The following OXSR1 variants were observed in gnomAD, a reference collection of about 807,000 sequenced individuals.
The protein encoded by OXSR1 is serine/threonine-protein kinase OSR1.
Under a neutral mutation model 79.8 loss-of-function variants are expected in OXSR1, and 24 were observed. The observed-to-expected ratio is 0.30, with a 90% CI of 0.22 to 0.42. The LOEUF (loss-of-function observed/expected upper bound fraction) is 0.42, where lower values mean the gene tolerates loss of function less well. Among genes scored for constraint, OXSR1 ranks in the 10% least tolerant of loss-of-function variants. OXSR1 has a pLI of 1.00. For synonymous variants in OXSR1, 226 were observed against 209.2 expected (o/e 1.08, Z -0.69); for missense variants, 430 against 618.4 (o/e 0.70, Z 3.23).
chr3:38,172,103 T>TA (rs1433010326), intron 1 of OXSR1, among the ~76,000 whole-genome samples: 2 of 152,230 alleles, frequency 1.3e-5, no homozygotes, highest in African/African-American at 4.8e-5. Context: ...GACTTTTTTT[T>TA]ACCCTTCCCC....
chr3:38,240,553 C>T (rs1380442078), intron 11 of OXSR1, among the ~76,000 whole-genome samples: 1 of 152,066 alleles, frequency 6.6e-6, no homozygotes, highest in Non-Finnish European at 1.5e-5. Flanking sequence ...AATGACATGC[C>T]TTGTATCCAG....
Position 38,254,181 on chromosome 3 carries a change from A to G in OXSR1, c.*1290A>G. ...TCTGGCCTTAAAAAGATACACAAAGATGGGCTGTGGGTCCCTGGAAAGGGG... is the reference window on the plus strand; with the variant it reads ...TCTGGCCTTAAAAAGATACACAAAGGTGGGCTGTGGGTCCCTGGAAAGGGG... On this transcript the variant is annotated 3_prime_UTR_variant, in exon 18 of 18. Coordinates refer to ENST00000311806, the MANE Select transcript of OXSR1 (RefSeq NM_005109.3). 2.5e-6 allele frequency: 1 copy of G among 398,860 alleles called. No individual in the cohort carries two copies. The highest frequency in any genetic ancestry group is 4.4e-6 in the Non-Finnish European group (1 of 225,908). The allele number at this position is 398,860 out of a possible 1,614,324, so 24.7% of individuals were successfully genotyped here.
At chr3:38,201,524 C>T (rs1156734809) in intron 4 of OXSR1, among the ~76,000 whole-genome samples, 1 of 152,058 alleles carries the variant, frequency 6.6e-6, no homozygotes, top group Non-Finnish European at 1.5e-5. Flanking sequence ...TCCTGGCTAA[C>T]ACGGTGAAAC....
Position 38,252,374 on chromosome 3 carries a change from A to G in OXSR1, c.1491A>G (p.Arg497=), listed in dbSNP as rs1390362984. 8 of 1,611,482 alleles carry G rather than the reference A, an allele frequency of 5.0e-6. No homozygotes were observed. Among genetic ancestry groups the G allele is most frequent in the Non-Finnish European group, 6.8e-6 (8 of 1,177,800 alleles). ...QKIVEEPQSN[R]SVTFKLASGV... ...TTGTGGAAGAACCTCAGTCAAATCG[A>G]TCTGTCACTTTCAAACTGGTACTCA... is the stretch of plus-strand genomic sequence containing the variant. The change falls in exon 17 of 18, where the codon CGA becomes CGG. Residue 497 remains arginine (R), a synonymous_variant. Coordinates refer to ENST00000311806, the MANE Select transcript of OXSR1 (RefSeq NM_005109.3).
At chr3:38,230,190 G>GA (rs1476638338) in intron 9 of OXSR1, among the ~76,000 whole-genome samples, 175 bp from the exon 10 acceptor site, 1 of 152,122 alleles carries the variant, frequency 6.6e-6, no homozygotes, top group African/African-American at 2.4e-5. Flanking sequence ...CTCAATTTAT[G>GA]AAACTGTGGT....
At chr3:38,184,915 T>C (rs999943431) in intron 2 of OXSR1, among the ~76,000 whole-genome samples, 1 of 63,786 alleles carries the variant, frequency 1.6e-5, no homozygotes, top group Admixed American at 1.9e-4. Context: ...TTTTTTTTTT[T>C]TTTTTTTTTT....
chr3:38,229,562 A>G (rs1340825954), intron 8 of OXSR1, 125 bp from the exon 9 acceptor site: 2 of 664,798 alleles, frequency 3.0e-6, no homozygotes, highest in East Asian at 2.7e-5. Flanking sequence ...AGTTTAAGGA[A>G]AGTAGAGTAT....
At chr3:38,247,633 C>G (rs1356430174) in intron 13 of OXSR1, 35 bp from the exon 14 acceptor site, 27 of 1,502,782 alleles carry the variant, frequency 1.8e-5, no homozygotes, top group Non-Finnish European at 2.4e-5. Context: ...CTTAATGTTT[C>G]AGGCAATGAC....
intron 4 of OXSR1, among the ~76,000 whole-genome samples, chr3:38,209,585 C>G (rs1702342839): frequency 6.6e-6 from 1 of 151,566 alleles, no homozygotes; most frequent in Admixed American, 6.6e-5. Context: ...TTCAATTGAG[C>G]ATTTCATATG....
Position 38,249,972 on chromosome 3 carries a change from CA to C in OXSR1, c.1335del (p.Glu446AsnfsTer2). On this transcript the variant is annotated frameshift_variant, in exon 15 of 18. Transcript: ENST00000311806. LOFTEE classifies it high-confidence loss of function. ...ISLVLRLRNS[K>X]KELNDIRFEF... Reference sequence around the variant, plus strand: ...ATTCTGCTTTCTTTCATAGGAATTCCAAAAAAGAACTAAATGATATTCGATT... The same window carrying C: ...ATTCTGCTTTCTTTCATAGGAATTCCAAAAAGAACTAAATGATATTCGATT... 4 of 1,578,508 alleles carry C rather than the reference CA, an allele frequency of 2.5e-6. No homozygotes were observed. The highest frequency in any genetic ancestry group is 1.7e-5 in the Admixed American group (1 of 58,268).
chr3:38,205,065 G>C (rs1702240880), intron 4 of OXSR1, among the ~76,000 whole-genome samples: 1 of 152,180 alleles, frequency 6.6e-6, no homozygotes, highest in African/African-American at 2.4e-5. Context: ...GCTGCGTTCT[G>C]CCTGGTGTTG....
At chr3:38,214,380 C>T (rs1337374052) in intron 4 of OXSR1, among the ~76,000 whole-genome samples, 1 of 152,054 alleles carries the variant, frequency 6.6e-6, no homozygotes, top group East Asian at 1.9e-4. Flanking sequence ...AGATCTAGCT[C>T]ATGGTGAAAT....
chr3:38,231,066 C>A (rs1365408511), intron 10 of OXSR1, among the ~76,000 whole-genome samples: 1 of 152,178 alleles, frequency 6.6e-6, no homozygotes, highest in Non-Finnish European at 1.5e-5. Context: ...AAAGGTCTTA[C>A]ACCTTGTATA....
At chr3:38,209,353 GCC>G (rs1161924404) in intron 4 of OXSR1, among the ~76,000 whole-genome samples, 1 of 151,596 alleles carries the variant, frequency 6.6e-6, no homozygotes, top group Non-Finnish European at 1.5e-5. Context: ...CAAATAGCTG[GCC>G]CACAGGTGCT....
intron 11 of OXSR1, among the ~76,000 whole-genome samples, chr3:38,238,121 A>G (rs1273496274): frequency 6.6e-6 from 1 of 152,132 alleles, no homozygotes; most frequent in Non-Finnish European, 1.5e-5. Flanking sequence ...CTTATAACCT[A>G]ATACATTGGT....
At chr3:38,175,641 A>C (rs1252796885) in intron 1 of OXSR1, among the ~76,000 whole-genome samples, 1 of 152,200 alleles carries the variant, frequency 6.6e-6, no homozygotes, top group Non-Finnish European at 1.5e-5. Flanking sequence ...AGTAAAGCGG[A>C]GAGAAACTGA....
At chr3:38,167,097 G>T (rs1427951953) in intron 1 of OXSR1, among the ~76,000 whole-genome samples, 1 of 152,200 alleles carries the variant, frequency 6.6e-6, no homozygotes, top group Non-Finnish European at 1.5e-5. Context: ...GGAGGAGCCA[G>T]ATCTTAGGGA....
rs1377273028 is a variant in OXSR1, at chr3:38,221,460, A to G, written c.491-118A>G. On this transcript the variant is annotated intron_variant, in intron 5 of 17. Coordinates refer to ENST00000311806, the MANE Select transcript of OXSR1 (RefSeq NM_005109.3). ...TTTAGTCAAGAAGTTCAGCAAAAAG[A>G]TAAGAAACTATCATGCTTTTTATTT... The G allele has an allele frequency of 5.1e-6, 3 of 590,444 alleles. 1 individual carries two copies. In the South Asian group the frequency reaches 6.4e-5, roughly 13 times the overall value. The allele number at this position is 590,444 out of a possible 1,614,324, so 36.6% of individuals were successfully genotyped here.
At chr3:38,175,679 G>A (rs934155165) in intron 1 of OXSR1, among the ~76,000 whole-genome samples, 5 of 152,184 alleles carry the variant, frequency 3.3e-5, no homozygotes, top group African/African-American at 4.8e-5. Flanking sequence ...GCTCATGCTT[G>A]GGCAGATCCT....
Sources: allele counts gnomAD v4.1 joint callset (sites outside exome capture counted in the v4.1 genomes callset), GRCh38; gene constraint gnomAD v4.1.1; transcripts MANE v1.5; gene names NCBI Gene and HGNC (gene_info 2026-07-23, HGNC 2026-07-21).